Variants in CDIP1 observed in about 807,000 individuals in gnomAD.
CDIP1 encodes cell death inducing p53 target 1, also known as cell death-inducing p53-target protein 1.
In CDIP1, 9 loss-of-function variants were observed where a neutral mutation model predicts 17.7. That is an observed-to-expected ratio of 0.51 (90% CI 0.31 to 0.89). The LOEUF (loss-of-function observed/expected upper bound fraction) is 0.89, where lower values mean the gene tolerates loss of function less well. CDIP1 is among the 40% of genes least tolerant of loss of function. The pLI is 0.05. For missense variants in CDIP1, 263 were observed against 277.9 expected, an observed-to-expected ratio of 0.95 and a Z score of 0.38; for synonymous variants, 117 against 109.5, an observed-to-expected ratio of 1.07 and a Z score of -0.43.
chr16:4,535,211 T>G (rs912691979), intron 1 of CDIP1, among the ~76,000 whole-genome samples: 2 of 152,168 alleles, frequency 1.3e-5, no homozygotes, highest in Admixed American at 1.3e-4. Flanking sequence ...TTAATTAGCA[T>G]TGATTGAACA....
intron 1 of CDIP1, among the ~76,000 whole-genome samples, chr16:4,537,030 T>G (rs2059114654): frequency 6.6e-6 from 1 of 152,144 alleles, no homozygotes; most frequent in South Asian, 2.1e-4. Context: ...TTCTCAAGGG[T>G]GAGAGACGGA....
intron 1 of CDIP1, among the ~76,000 whole-genome samples, chr16:4,525,667 A>G (rs1029353350): frequency 6.6e-6 from 1 of 152,200 alleles, no homozygotes; most frequent in East Asian, 1.9e-4. Context: ...CCTATTCCCA[A>G]CGCTGGGTGA....
At position 4,521,087 on chromosome 16, in the gene CDIP1, G is replaced by GGT. The variant is rs35743524; in HGVS notation, c.-104-6425_-104-6424dup. Among the ~76,000 whole-genome samples the GGT allele has an allele frequency of 8.2e-3, 1,238 of 150,416 alleles. 10 individuals carry two copies. Among genetic ancestry groups the GGT allele is most frequent in the Middle Eastern group, 0.017 (5 of 292 alleles). ...TTACTGCTTTTTCTGATGCAACACT[G>GGT]GTGTGTGTGTGTGTGTGTGTGTACT... is the stretch of plus-strand genomic sequence containing the variant. On this transcript the variant is annotated intron_variant, in intron 1 of 5. Coordinates refer to ENST00000567695, the MANE Select transcript of CDIP1 (RefSeq NM_013399.3).
chr16:4,527,028 A>G (rs2059008000), intron 1 of CDIP1, among the ~76,000 whole-genome samples: 1 of 151,164 alleles, frequency 6.6e-6, no homozygotes, highest in Admixed American at 6.6e-5. Context: ...AGAGCACACC[A>G]CTGAAGGCCT....
intron 1 of CDIP1, among the ~76,000 whole-genome samples, chr16:4,520,526 T>C (rs1001007557): frequency 6.6e-6 from 1 of 152,208 alleles, no homozygotes; most frequent in Non-Finnish European, 1.5e-5. Context: ...GTCTTTTACA[T>C]AGACATGATT....
At chr16:4,536,269 G>A (rs2141664674) in intron 1 of CDIP1, among the ~76,000 whole-genome samples, 1 of 152,298 alleles carries the variant, frequency 6.6e-6, no homozygotes, top group Middle Eastern at 3.4e-3. Context: ...AACTGAGTAG[G>A]GTGAAGGGCT....
rs141029925 is a variant in CDIP1, at chr16:4,530,509, C to T, written c.-105+8193G>A. Among the ~76,000 whole-genome samples the T allele has an allele frequency of 5.9e-5, 9 of 151,874 alleles. 1 individual carries two copies. Among genetic ancestry groups the T allele is most frequent in the African/African-American group, 1.9e-4 (8 of 41,400 alleles). ...TACTAGAAATACAAAATTAGCCGGG[C>T]GTGGTGGCACATGCCTGTAATCCCA... is the stretch of plus-strand genomic sequence containing the variant. On this transcript the variant is annotated intron_variant, in intron 1 of 5. Transcript: ENST00000567695.
intron 1 of CDIP1, among the ~76,000 whole-genome samples, chr16:4,534,700 T>G (rs994858674): frequency 1.0e-4 from 15 of 149,096 alleles, no homozygotes; most frequent in Admixed American, 6.6e-4. Flanking sequence ...GTTTTTTTTT[T>G]TTTTTTTTTT....
chr16:4,513,705 T>C lies in CDIP1; in HGVS notation c.232A>G (p.Met78Val). The change falls in exon 4 of 6, where the codon ATG becomes GTG. Residue 78 changes from methionine to valine, a missense_variant. Met to Val is a conservative substitution (Grantham distance 21). Transcript: ENST00000567695. The surrounding 1 kb of genome is among the most constrained non-coding windows in gnomAD (Gnocchi z 4.1). Reference protein sequence around the residue: ...PPHMSADGTYMPPGFYPPPGP... With the variant: ...PPHMSADGTYVPPGFYPPPGP... ...TCCCTTCCCCACTCACCCGGAGGCA[T>C]GTAGGTGCCATCTGCACTCATGTGT... is the stretch of plus-strand genomic sequence containing the variant. 1 of 1,613,180 alleles carries C rather than the reference T, an allele frequency of 6.2e-7. No individual in the cohort carries two copies. The highest frequency in any genetic ancestry group is 8.5e-7 in the Non-Finnish European group (1 of 1,179,478).
At position 4,512,571 on chromosome 16, in the gene CDIP1, G is replaced by A. The variant is rs369424869; in HGVS notation, c.*1C>T. The stretch of plus-strand genomic sequence containing the variant: ...CGGGGGAGTCCCGAGTCCCAGCTCC[G>A]TTAGCACAGGCGCTTGTACGTGTAG... On this transcript the variant is annotated 3_prime_UTR_variant, in exon 6 of 6. Transcript: ENST00000567695. This position sits in a 1 kb window ranked among gnomAD's most constrained non-coding sequence, Gnocchi z 4.6. The A allele has an allele frequency of 1.7e-5, 27 of 1,610,626 alleles. No homozygotes were observed. Among genetic ancestry groups the A allele is most frequent in the African/African-American group, 8.0e-5 (6 of 74,836 alleles).
At chr16:4,534,389 G>A (rs370313341) in intron 1 of CDIP1, among the ~76,000 whole-genome samples, 3 of 152,348 alleles carry the variant, frequency 2.0e-5, no homozygotes, top group South Asian at 4.1e-4. Flanking sequence ...ACCATTTCTT[G>A]AATTCCAGTC....
At chr16:4,518,607 C>T (rs2058912504) in intron 1 of CDIP1, among the ~76,000 whole-genome samples, 1 of 152,196 alleles carries the variant, frequency 6.6e-6, no homozygotes, top group South Asian at 2.1e-4. Context: ...GCAGAGACTG[C>T]AGGGCAGGTC....
In CDIP1 at chr16:4,510,952, G is replaced by T. The variant is rs1367628494; in HGVS notation, c.*1620C>A. The T allele has an allele frequency of 6.6e-6, 1 of 152,284 alleles. No homozygotes were observed. Among genetic ancestry groups the T allele is most frequent in the African/African-American group, 2.4e-5 (1 of 41,450 alleles). The allele number at this position is 152,284 out of a possible 1,614,324, so 9.4% of individuals were successfully genotyped here. Reference sequence around the variant, plus strand: ...TGTTGCTTAAGGGTGCGCCTCCCCAGGGCTGGATGATGCTGTGCTCAAGCC... The same window carrying T: ...TGTTGCTTAAGGGTGCGCCTCCCCATGGCTGGATGATGCTGTGCTCAAGCC... On this transcript the variant is annotated 3_prime_UTR_variant, in exon 6 of 6. Transcript: ENST00000567695.
chr16:4,521,918 C>A (rs1009340345), intron 1 of CDIP1, among the ~76,000 whole-genome samples: 4 of 152,144 alleles, frequency 2.6e-5, no homozygotes, highest in African/African-American at 9.7e-5. Flanking sequence ...GCCTAGCACA[C>A]AATGACGCTA....
chr16:4,535,828 G>A lies in CDIP1; in HGVS notation c.-105+2874C>T, dbSNP rs780533058. Among the ~76,000 whole-genome samples the A allele has an allele frequency of 6.4e-4, 97 of 152,286 alleles. 1 individual carries two copies. The highest frequency in any genetic ancestry group is 1.0e-3 in the Non-Finnish European group (70 of 68,050). On this transcript the variant is annotated intron_variant, in intron 1 of 5. Transcript: ENST00000567695. ...GGCCCTAGGCGCCTCCACCTCTGCTGCACTGTATTGCAAGGTAGCCTTTAC... is the reference window on the plus strand; with the variant it reads ...GGCCCTAGGCGCCTCCACCTCTGCTACACTGTATTGCAAGGTAGCCTTTAC...
chr16:4,520,472 T>C (rs181414849), intron 1 of CDIP1, among the ~76,000 whole-genome samples: 2 of 152,326 alleles, frequency 1.3e-5, no homozygotes, highest in East Asian at 1.9e-4. Flanking sequence ...TTTTTTCTAA[T>C]GTGTTACATT....
At position 4,513,998 on chromosome 16, in the gene CDIP1, G is replaced by A. The variant is rs748287812; in HGVS notation, c.85+48C>T. ...ACTTAGAGAGTCCCAACCATGCCATGGCGGCAGGGGGCTGCAATATGGAGC... is the reference window on the plus strand; with the variant it reads ...ACTTAGAGAGTCCCAACCATGCCATAGCGGCAGGGGGCTGCAATATGGAGC... On this transcript the variant is annotated intron_variant, in intron 3 of 5. Transcript: ENST00000567695. The surrounding 1 kb of genome is among the most constrained non-coding windows in gnomAD (Gnocchi z 4.1). 5 of 1,351,412 alleles carry A rather than the reference G, an allele frequency of 3.7e-6. No individual in the cohort carries two copies. The African/African-American group carries it at 6.1e-5, about 16-fold the overall frequency. The allele number at this position is 1,351,412 out of a possible 1,614,324, so 83.7% of individuals were successfully genotyped here.
At chr16:4,517,309 C>A (rs2058898208) in intron 1 of CDIP1, among the ~76,000 whole-genome samples, 1 of 152,206 alleles carries the variant, frequency 6.6e-6, no homozygotes, top group South Asian at 2.1e-4. Context: ...TACACCTCTT[C>A]TGAGTTGCCT....
chr16:4,512,475 C>G lies in CDIP1; in HGVS notation c.*97G>C. On this transcript the variant is annotated 3_prime_UTR_variant, in exon 6 of 6. Coordinates refer to ENST00000567695, the MANE Select transcript of CDIP1 (RefSeq NM_013399.3). The surrounding 1 kb of genome is among the most constrained non-coding windows in gnomAD (Gnocchi z 4.6). ...TTCTAGGGGATGGTGGCACGGCTCC[C>G]AGCCCCAAGTGGGAGCGGGAAAGTG... 4 of 884,350 alleles carry G rather than the reference C, an allele frequency of 4.5e-6. No individual in the cohort carries two copies. The highest frequency in any genetic ancestry group is 1.9e-5 in the Admixed American group (1 of 51,868). 54.8% of individuals were successfully genotyped at this position (884,350 alleles called of 1,614,324 possible). A position where few individuals can be genotyped will look rare whatever the true frequency, so the allele number is the denominator to read the frequency against.
Sources: gnomAD v4.1 joint callset for allele counts (sites outside exome capture counted in the v4.1 genomes callset) on GRCh38, gnomAD v4.1.1 for gene constraint, Gnocchi (gnomAD v3.1) non-coding constraint, MANE v1.5 for transcripts, NCBI Gene and HGNC (gene_info 2026-07-23, HGNC 2026-07-21) for gene names.